Variants in FOXO1 observed in about 807,000 individuals in gnomAD.
FOXO1 encodes the protein forkhead box O1, also known as forkhead box protein O1.
A neutral mutation model predicts 44.1 loss-of-function variants in FOXO1; 6 were observed. The ratio of observed to expected loss-of-function variants is 0.14; its 90% confidence interval spans 0.07 to 0.27. FOXO1 has a LOEUF of 0.27. FOXO1 is among the 10% of genes least tolerant of loss of function. FOXO1 has a pLI of 1.00. For missense variants in FOXO1, 737 were observed against 888.8 expected, an observed-to-expected ratio of 0.83 and a Z score of 2.17; for synonymous variants, 380 against 362.7, an observed-to-expected ratio of 1.05 and a Z score of -0.54.
intron 1 of FOXO1, among the ~76,000 whole-genome samples, chr13:40,603,685 AC>A (rs1566072959): frequency 1.3e-5 from 2 of 152,134 alleles, no homozygotes; most frequent in African/African-American, 4.8e-5. Context: ...TATCAATCCA[AC>A]TACAGAGTTC....
intron 1 of FOXO1, among the ~76,000 whole-genome samples, chr13:40,642,156 T>C (rs1361227256): frequency 6.6e-6 from 1 of 152,236 alleles, no homozygotes; most frequent in African/African-American, 2.4e-5. Context: ...TTTATAGCAG[T>C]GCCTGCCACA....
chr13:40,620,276 T>C (rs981914625), intron 1 of FOXO1: 104 of 1,252,210 alleles, frequency 8.3e-5, no homozygotes, highest in South Asian at 9.6e-5. Flanking sequence ...CAGGACAGTA[T>C]TGCAAACAGA....
At chr13:40,600,379 G>C (rs1041140902) in intron 1 of FOXO1, among the ~76,000 whole-genome samples, 1 of 152,168 alleles carries the variant, frequency 6.6e-6, no homozygotes, top group African/African-American at 2.4e-5. Flanking sequence ...AAGTGCACAG[G>C]GGCTTTACCT....
chr13:40,568,916 T>C (rs1057036192), intron 1 of FOXO1, among the ~76,000 whole-genome samples: 6 of 150,786 alleles, frequency 4.0e-5, no homozygotes, highest in African/African-American at 1.5e-4. Context: ...ACAACGCAGA[T>C]GGGAAACTTA....
intron 1 of FOXO1, among the ~76,000 whole-genome samples, chr13:40,664,004 G>C (rs755399233): frequency 6.6e-6 from 1 of 152,240 alleles, no homozygotes; most frequent in Non-Finnish European, 1.5e-5. Context: ...GCCGGGAACG[G>C]TGGCTCACGC....
intron 1 of FOXO1, 90 bp downstream of exon 1, chr13:40,665,493 C>T: frequency 3.5e-6 from 4 of 1,137,796 alleles, no homozygotes; most frequent in Admixed American, 4.0e-5. Flanking sequence ...CCTCCTGCTC[C>T]GCACCTTCAG....
chr13:40,662,455 T>C (rs1433971833), intron 1 of FOXO1, among the ~76,000 whole-genome samples: 1 of 152,162 alleles, frequency 6.6e-6, no homozygotes, highest in Non-Finnish European at 1.5e-5. Flanking sequence ...CTGCACTAGA[T>C]TTAGAAGATC....
At chr13:40,599,016 T>C (rs183351438) in intron 1 of FOXO1, among the ~76,000 whole-genome samples, 10 of 152,338 alleles carry the variant, frequency 6.6e-5, no homozygotes, top group Non-Finnish European at 1.3e-4. Context: ...TAAAGTTCTT[T>C]TTGATATGTA....
chr13:40,654,941 T>C (rs1460716857), intron 1 of FOXO1, among the ~76,000 whole-genome samples: 1 of 152,130 alleles, frequency 6.6e-6, no homozygotes. Flanking sequence ...AAGATGAGAA[T>C]GAAGTTGAAG....
intron 1 of FOXO1, among the ~76,000 whole-genome samples, chr13:40,645,452 AT>A (rs1188215601): frequency 6.6e-6 from 1 of 152,132 alleles, no homozygotes; most frequent in African/African-American, 2.4e-5. Flanking sequence ...GACTTGCATC[AT>A]GTTCACGCCC....
chr13:40,589,931 G>A (rs1356799626), intron 1 of FOXO1, among the ~76,000 whole-genome samples: 1 of 152,162 alleles, frequency 6.6e-6, no homozygotes, highest in African/African-American at 2.4e-5. Context: ...AAACAACTAT[G>A]CAAAGAAGGA....
chr13:40,636,742 G>A (rs539769565), intron 1 of FOXO1, among the ~76,000 whole-genome samples: 10 of 152,040 alleles, frequency 6.6e-5, no homozygotes, highest in Admixed American at 1.3e-4. Flanking sequence ...TGATTCACCC[G>A]CCTTGGACTC....
rs189154662 is a variant in FOXO1, at chr13:40,623,690, G to A, written c.630+41893C>T. 5.3e-5 allele frequency among the ~76,000 whole-genome samples: 8 copies of A among 152,160 alleles called. No individual in the cohort carries two copies. The East Asian group carries it at 1.5e-3, about 29-fold the overall frequency. On this transcript the variant is annotated intron_variant, in intron 1 of 2. Transcript: ENST00000379561. ...TAAAGTCTCACTACACTCAAAACTGGCCACACTATATCTGGAGAACTAGAT... is the reference window on the plus strand; with the variant it reads ...TAAAGTCTCACTACACTCAAAACTGACCACACTATATCTGGAGAACTAGAT...
At chr13:40,660,236 G>A (rs907273396) in intron 1 of FOXO1, among the ~76,000 whole-genome samples, 107 of 152,200 alleles carry the variant, frequency 7.0e-4, no homozygotes, top group African/African-American at 2.4e-3. Flanking sequence ...TGAACTGCAG[G>A]GAAGCAGACC....
intron 1 of FOXO1, among the ~76,000 whole-genome samples, chr13:40,632,428 C>T (rs1255389634): frequency 6.6e-6 from 1 of 151,898 alleles, no homozygotes; most frequent in Admixed American, 6.6e-5. Context: ...ACTTGAGCCC[C>T]GGAGTTCGAG....
At chr13:40,608,771 G>A (rs964692430) in intron 1 of FOXO1, among the ~76,000 whole-genome samples, 1 of 152,144 alleles carries the variant, frequency 6.6e-6, no homozygotes, top group Admixed American at 6.5e-5. Flanking sequence ...TATTATATAA[G>A]AGGGTGGCAA....
intron 1 of FOXO1, among the ~76,000 whole-genome samples, chr13:40,570,962 T>A (rs1195988457): frequency 6.6e-6 from 1 of 152,172 alleles, no homozygotes; most frequent in Non-Finnish European, 1.5e-5. Context: ...ATAACCCCTC[T>A]GTATCAGGTG....
intron 1 of FOXO1, among the ~76,000 whole-genome samples, chr13:40,577,162 C>T (rs1431245928): frequency 7.3e-6 from 1 of 136,404 alleles, no homozygotes; most frequent in Non-Finnish European, 1.6e-5. Context: ...CCCACCCACC[C>T]ACCCCTCCTC....
chr13:40,565,543 G>A (rs1874232577), intron 1 of FOXO1, among the ~76,000 whole-genome samples: 1 of 152,114 alleles, frequency 6.6e-6, no homozygotes, highest in African/African-American at 2.4e-5. Flanking sequence ...TCCCTGGGGC[G>A]GTGGGGGGGC....
Sources: gnomAD v4.1 joint callset for allele counts (sites outside exome capture counted in the v4.1 genomes callset) on GRCh38, gnomAD v4.1.1 for gene constraint, MANE v1.5 for transcripts, NCBI Gene and HGNC (gene_info 2026-07-23, HGNC 2026-07-21) for gene names.